SCLT1: variants seen among roughly 807,000 people sequenced by gnomAD.
The protein encoded by SCLT1 is sodium channel and clathrin linker 1.
Under a neutral mutation model 112.8 loss-of-function variants are expected in SCLT1, and 78 were observed. The ratio of observed to expected loss-of-function variants is 0.69; its 90% confidence interval spans 0.58 to 0.83. The LOEUF is 0.83. Ranked by LOEUF, SCLT1 falls within the 40% of genes least tolerant of loss-of-function variation. SCLT1 has a pLI of 0.00. For missense variants in SCLT1, 747 were observed against 770.4 expected, an observed-to-expected ratio of 0.97 and a Z score of 0.36; for synonymous variants, 257 against 254.7, an observed-to-expected ratio of 1.01 and a Z score of -0.09.
chr4:129,058,296 T>G (rs1749632238), intron 2 of SCLT1, among the ~76,000 whole-genome samples: 1 of 152,208 alleles, frequency 6.6e-6, no homozygotes, highest in African/African-American at 2.4e-5. Flanking sequence ...GCCTTTCTAG[T>G]TCCTTCAGAT....
At chr4:128,890,948 G>T in intron 19 of SCLT1, 111 bp downstream of exon 19, 1 of 703,792 alleles carries the variant, frequency 1.4e-6, no homozygotes, top group Non-Finnish European at 2.5e-6. Context: ...GATGATTTCT[G>T]TATTGTTATT....
chr4:128,907,462 C>T (rs1380424465), intron 18 of SCLT1, among the ~76,000 whole-genome samples: 1 of 151,892 alleles, frequency 6.6e-6, no homozygotes, highest in African/African-American at 2.4e-5. Flanking sequence ...AGGAGGAGTC[C>T]AAGATGATAC....
At chr4:128,941,440 T>G (rs1737686905) in intron 17 of SCLT1, among the ~76,000 whole-genome samples, 1 of 152,140 alleles carries the variant, frequency 6.6e-6, no homozygotes, top group African/African-American at 2.4e-5. Flanking sequence ...TGCTATTTTA[T>G]GAAGTGCCTA....
intron 2 of SCLT1, among the ~76,000 whole-genome samples, chr4:129,079,490 T>C (rs1183442466): frequency 1.3e-5 from 2 of 152,102 alleles, no homozygotes. Flanking sequence ...GGGCCCAAAA[T>C]AATCTCCTTT....
Position 128,966,132 on chromosome 4 carries a change from A to ATTT in SCLT1, c.778-817_778-815dup, listed in dbSNP as rs756291868. On this transcript the variant is annotated intron_variant, in intron 10 of 20. Transcript: ENST00000281142. ...GGCGTGAGCCACCGTGCTTGGCCAAATTTTTTTTTTTTTTTTTTTTTAGAG... is the reference window on the plus strand; with the variant it reads ...GGCGTGAGCCACCGTGCTTGGCCAAATTTTTTTTTTTTTTTTTTTTTTTTAGAG... Among the ~76,000 whole-genome samples the ATTT allele has an allele frequency of 1.5e-3, 194 of 130,678 alleles. 1 individual carries two copies. Among genetic ancestry groups the ATTT allele is most frequent in the East Asian group, 0.012 (56 of 4,544 alleles). The allele number at this position is 130,678 out of a possible 152,430, so 85.7% of individuals were successfully genotyped here.
At chr4:128,877,554 G>A (rs1014901391) in intron 3 of SCLT1, among the ~76,000 whole-genome samples, 15 of 152,150 alleles carry the variant, frequency 9.9e-5, no homozygotes, top group African/African-American at 3.6e-4. Flanking sequence ...GGTGGCACAC[G>A]CCTGTAATCC....
At chr4:128,887,635 G>C (rs1337854839) in intron 20 of SCLT1, among the ~76,000 whole-genome samples, 1 of 151,956 alleles carries the variant, frequency 6.6e-6, no homozygotes, top group Non-Finnish European at 1.5e-5. Context: ...TCACTGAACT[G>C]GTCTCATTTT....
intron 9 of SCLT1, among the ~76,000 whole-genome samples, chr4:128,984,630 T>C (rs145546076): frequency 2.0e-3 from 310 of 152,288 alleles, no homozygotes; most frequent in Middle Eastern, 6.8e-3. Flanking sequence ...TGCAGGTCTT[T>C]ATGAACCAGT....
chr4:129,059,138 T>C (rs1012255256), intron 2 of SCLT1, among the ~76,000 whole-genome samples: 10 of 152,188 alleles, frequency 6.6e-5, no homozygotes, highest in Non-Finnish European at 1.5e-5. Flanking sequence ...GAGTATCTTT[T>C]CCCATGCCTT....
intron 4 of SCLT1, among the ~76,000 whole-genome samples, chr4:128,875,773 C>A (rs1732505120): frequency 6.6e-6 from 1 of 152,092 alleles, no homozygotes; most frequent in Non-Finnish European, 1.5e-5. Flanking sequence ...AACTAATGAG[C>A]TTTCTGAGGT....
intron 2 of SCLT1, among the ~76,000 whole-genome samples, chr4:129,047,259 AATC>A (rs904917716): frequency 6.6e-6 from 1 of 152,112 alleles, no homozygotes; most frequent in African/African-American, 2.4e-5. Flanking sequence ...TTAGATATGC[AATC>A]AATGCAGAAA....
intron 18 of SCLT1, among the ~76,000 whole-genome samples, chr4:128,921,844 A>G (rs577031707): frequency 5.9e-5 from 9 of 152,304 alleles, no homozygotes; most frequent in Non-Finnish European, 7.4e-5. Flanking sequence ...GAAAATATCA[A>G]CAGAGTAAAT....
At chr4:128,876,617 C>T (rs1443512633) in exon 4 of SCLT1, 1 of 152,214 alleles carries the variant, frequency 6.6e-6, no homozygotes, top group African/African-American at 2.4e-5. Context: ...GTGTTCTAGT[C>T]TGAGGTAGGC....
intron 1 of SCLT1, among the ~76,000 whole-genome samples, chr4:129,088,092 G>GA (rs969089629): frequency 3.3e-4 from 39 of 119,082 alleles, no homozygotes; most frequent in Admixed American, 4.1e-4. Context: ...GTCCCAAAAA[G>GA]AAAAAAAAAA....
chr4:129,002,354 A>G (rs969124384), intron 6 of SCLT1, among the ~76,000 whole-genome samples: 1 of 152,088 alleles, frequency 6.6e-6, no homozygotes, highest in African/African-American at 2.4e-5. Context: ...GTTGAAAAAC[A>G]GGATATATTT....
At chr4:129,022,722 T>C (rs952062891) in intron 5 of SCLT1, among the ~76,000 whole-genome samples, 2 of 152,120 alleles carry the variant, frequency 1.3e-5, no homozygotes. Context: ...AAAACACTCT[T>C]CAGGATATCA....
chr4:128,952,426 A>G (rs746771186), intron 14 of SCLT1: 3 of 471,216 alleles, frequency 6.4e-6, no homozygotes, highest in South Asian at 4.6e-5. Flanking sequence ...AGCTTTCTGT[A>G]TTTCTTCCTT....
chr4:129,021,950 G>A (rs370968212), intron 5 of SCLT1, among the ~76,000 whole-genome samples: 5 of 152,190 alleles, frequency 3.3e-5, no homozygotes, highest in African/African-American at 1.2e-4. Flanking sequence ...GACTCTCTGG[G>A]ATGGAGCAGG....
chr4:129,092,952 ACTT>A, intron 1 of SCLT1, 115 bp downstream of exon 1: 1 of 779,360 alleles, frequency 1.3e-6, no homozygotes, highest in South Asian at 1.5e-5. Flanking sequence ...CCTGCAACTA[ACTT>A]CTTTAACTCT....
Sources: gnomAD v4.1 joint callset for allele counts (sites outside exome capture counted in the v4.1 genomes callset) on GRCh38, gnomAD v4.1.1 for gene constraint, MANE v1.5 for transcripts, NCBI Gene and HGNC (gene_info 2026-07-23, HGNC 2026-07-21) for gene names.